The following LARP4 variants were observed in gnomAD, a reference collection of about 807,000 sequenced individuals.
LARP4 encodes la-related protein 4.
A neutral mutation model predicts 92.9 loss-of-function variants in LARP4; 29 were observed. The observed-to-expected ratio is 0.31, with a 90% confidence interval of 0.23 to 0.43. The LOEUF is 0.43. Among genes scored for constraint, LARP4 ranks in the 20% least tolerant of loss-of-function variants. The probability of loss-of-function intolerance (pLI) is 1.00; values close to 1 mark genes in which losing one functional copy is unlikely to be tolerated. For missense variants in LARP4, 732 were observed against 860.0 expected (o/e 0.85, Z 1.86); for synonymous variants, 279 against 284.1 (o/e 0.98, Z 0.18).
chr12:50,402,317 A>C (rs1278041056), intron 1 of LARP4, among the ~76,000 whole-genome samples: 1 of 152,198 alleles, frequency 6.6e-6, no homozygotes, highest in Non-Finnish European at 1.5e-5. Flanking sequence ...ATTCATTGGA[A>C]CATTCCGGGG....
Position 50,433,052 on chromosome 12 carries a change from G to C in LARP4, c.399-2436G>C, listed in dbSNP as rs540596588. Among the ~76,000 whole-genome samples the C allele has an allele frequency of 2.6e-5, 4 of 151,980 alleles. No individual in the cohort carries two copies. In the South Asian group the frequency reaches 8.3e-4, roughly 32 times the overall value. On this transcript the variant is annotated intron_variant, in intron 4 of 15. Transcript: ENST00000398473. ...TATGGGGAAAATCAGCTGTATTGGTGGCTCCCATAATTTCCATTCATAATT... is the reference window on the plus strand; with the variant it reads ...TATGGGGAAAATCAGCTGTATTGGTCGCTCCCATAATTTCCATTCATAATT...
Position 50,440,525 on chromosome 12 carries a change from C to A in LARP4, c.726C>A (p.Phe242Leu). The part of the protein sequence containing the change: ...FAHNSNWYIT[F>L]QSDTDAQQAF... The stretch of plus-strand genomic sequence containing the variant: ...ACAATAGCAACTGGTATATCACTTT[C>A]CAGTCAGACACAGATGCACAACAGG... The change falls in exon 7 of 16, where the codon TTC (phenylalanine) becomes TTA (leucine). Residue 242 changes from phenylalanine (F) to leucine (L), a missense_variant. This residue lies in a region of LARP4 where 236 missense variants were observed against 307.6 expected (regional missense o/e 0.77). Coordinates refer to ENST00000398473, the MANE Select transcript of LARP4 (RefSeq NM_052879.5). 6.2e-7 allele frequency: 1 copy of A among 1,612,568 alleles called. No homozygotes were observed. Among genetic ancestry groups the A allele is most frequent in the Non-Finnish European group, 8.5e-7 (1 of 1,178,648 alleles).
intron 8 of LARP4, among the ~76,000 whole-genome samples, chr12:50,446,743 T>A (rs1420560597): frequency 6.6e-6 from 1 of 152,150 alleles, no homozygotes. Context: ...ACTGTATTTT[T>A]AAAATAATGC....
intron 13 of LARP4, among the ~76,000 whole-genome samples, chr12:50,469,013 T>C (rs1956554625): frequency 6.6e-6 from 1 of 152,092 alleles, no homozygotes; most frequent in Non-Finnish European, 1.5e-5. Context: ...ATCCCCCTTT[T>C]TTTCTCACTC....
chr12:50,475,707 G>C lies in LARP4; in HGVS notation c.2018G>C (p.Ser673Thr), dbSNP rs1459334779. 3.7e-6 allele frequency: 6 copies of C among 1,614,138 alleles called. No homozygotes were observed. The highest frequency in any genetic ancestry group is 5.1e-6 in the Non-Finnish European group (6 of 1,180,032). ...CATGAGAAGCCAGAAGCAAGGGCTAGTAAGGATTATTCTGGCTTCCGAGGC... is the reference window on the plus strand; with the variant it reads ...CATGAGAAGCCAGAAGCAAGGGCTACTAAGGATTATTCTGGCTTCCGAGGC... ...KPHEKPEARA[S>T]KDYSGFRGNI... Residue 673 changes from serine to threonine, a missense_variant, in exon 16 of 16, where the codon AGT (serine) becomes ACT (threonine). Physicochemically the swap from Ser to Thr is moderately conservative, Grantham distance 58. This residue lies in a region of LARP4 where 115 missense variants were observed against 129.1 expected (regional missense o/e 0.89). Transcript: ENST00000398473.
At chr12:50,408,788 T>G in intron 1 of LARP4, among the ~76,000 whole-genome samples, 1 of 152,182 alleles carries the variant, frequency 6.6e-6, no homozygotes, top group East Asian at 1.9e-4. Context: ...AGACTTTCTT[T>G]CCTGCTATAC....
At chr12:50,421,891 C>T (rs971995591) in intron 1 of LARP4, among the ~76,000 whole-genome samples, 3 of 151,506 alleles carry the variant, frequency 2.0e-5, no homozygotes, top group Non-Finnish European at 4.4e-5. Context: ...CTTTCTATGT[C>T]TTTAATTGGG....
chr12:50,448,891 A>G (rs541504682), intron 8 of LARP4, among the ~76,000 whole-genome samples: 9 of 152,306 alleles, frequency 5.9e-5, no homozygotes, highest in Non-Finnish European at 1.0e-4. Context: ...AATGTCTTGA[A>G]CATTATCAAG....
intron 1 of LARP4, among the ~76,000 whole-genome samples, chr12:50,420,351 T>C (rs1207205622): frequency 6.6e-6 from 1 of 152,170 alleles, no homozygotes; most frequent in East Asian, 1.9e-4. Context: ...ACTTGATACA[T>C]GGAACATATG....
chr12:50,407,187 A>G (rs1231138627), intron 1 of LARP4, among the ~76,000 whole-genome samples: 1 of 151,776 alleles, frequency 6.6e-6, no homozygotes, highest in Non-Finnish European at 1.5e-5. Flanking sequence ...CACCACGCCT[A>G]GCTATTTTTT....
At chr12:50,460,488 C>T (rs1955176922) in intron 10 of LARP4, among the ~76,000 whole-genome samples, 1 of 140,846 alleles carries the variant, frequency 7.1e-6, no homozygotes, top group Non-Finnish European at 1.6e-5. Flanking sequence ...TACCACTGCA[C>T]ATTTTAATTT....
At position 50,473,078 on chromosome 12, in the gene LARP4, C is replaced by T. The variant is rs537445916; in HGVS notation, c.1546-337C>T. On this transcript the variant is annotated intron_variant, in intron 13 of 15. Transcript: ENST00000398473. ...CTTGTGATCCACCCGCCTCAGCCTC[C>T]GAAAGTGCTGGGATTACAGGTGTGA... 5.9e-5 allele frequency among the ~76,000 whole-genome samples: 9 copies of T among 152,300 alleles called. 1 individual carries two copies. In the South Asian group the frequency reaches 1.9e-3, roughly 32 times the overall value.
chr12:50,467,077 A>G lies in LARP4; in HGVS notation c.1502A>G (p.Glu501Gly). The G allele has an allele frequency of 6.2e-7, 1 of 1,613,574 alleles. No individual in the cohort carries two copies. Reference sequence around the variant, plus strand: ...AGAATGCCAGGTGAACTCGTTTTGGAGAATAGGATGTCTGATGTTGTTAAA... The same window carrying G: ...AGAATGCCAGGTGAACTCGTTTTGGGGAATAGGATGTCTGATGTTGTTAAA... ...SSRMPGELVLENRMSDVVKGV... is the reference protein window; with the variant it reads ...SSRMPGELVLGNRMSDVVKGV... The change falls in exon 13 of 16, where the codon GAG becomes GGG. Residue 501 changes from glutamate (E) to glycine (G), a missense_variant. This residue lies in a region of LARP4 where 264 missense variants were observed against 269.5 expected (regional missense o/e 0.98). Coordinates refer to ENST00000398473, the MANE Select transcript of LARP4 (RefSeq NM_052879.5).
chr12:50,420,834 T>C (rs946441994), intron 1 of LARP4: 2 of 151,670 alleles, frequency 1.3e-5, no homozygotes, highest in Admixed American at 1.3e-4. Flanking sequence ...GAAAGAACGA[T>C]GAACAAAGAA....
chr12:50,415,482 A>G (rs1368328109), intron 1 of LARP4, among the ~76,000 whole-genome samples: 1 of 152,162 alleles, frequency 6.6e-6, no homozygotes, highest in East Asian at 1.9e-4. Context: ...TTTTGAGCAT[A>G]ATCCTCCGAT....
chr12:50,430,460 A>C, intron 3 of LARP4, 35 bp from the exon 4 acceptor site: 1 of 1,222,262 alleles, frequency 8.2e-7, no homozygotes, highest in Non-Finnish European at 1.2e-6. Flanking sequence ...CTAACATGCT[A>C]TTAACTTTTT....
At chr12:50,411,436 G>A (rs1945874208) in intron 1 of LARP4, among the ~76,000 whole-genome samples, 1 of 151,778 alleles carries the variant, frequency 6.6e-6, no homozygotes, top group Admixed American at 6.6e-5. Flanking sequence ...GGCAACCCCT[G>A]CCTCCCGGGT....
At chr12:50,465,651 G>A (rs1565734033) in intron 12 of LARP4, among the ~76,000 whole-genome samples, 4 of 152,196 alleles carry the variant, frequency 2.6e-5, no homozygotes, top group Admixed American at 2.6e-4. Flanking sequence ...TAAAGCAGCA[G>A]TGTTGGGTTG....
rs532943694 is a variant in LARP4 at position 50,417,982 on chromosome 12, T to TC, written c.19-9777dup. Among the ~76,000 whole-genome samples the TC allele has an allele frequency of 1.7e-3, 252 of 152,350 alleles. 2 individuals are homozygous for TC. The highest frequency in any genetic ancestry group is 5.9e-3 in the African/African-American group (244 of 41,590). On this transcript the variant is annotated intron_variant, in intron 1 of 15. Coordinates refer to ENST00000398473, the MANE Select transcript of LARP4 (RefSeq NM_052879.5). ...TTCAAGCGATTCGCCTGCCTCAGCC[T>TC]CCCAAGTACCTGGGATTACAGGCAC...
Sources: allele counts gnomAD v4.1 joint callset (sites outside exome capture counted in the v4.1 genomes callset), GRCh38; gene constraint gnomAD v4.1.1; regional missense constraint gnomAD v4.1.1; transcripts MANE v1.5; gene names NCBI Gene and HGNC (gene_info 2026-07-23, HGNC 2026-07-21).